The following MPZL2 variants were observed in gnomAD, a reference collection of about 807,000 sequenced individuals.
MPZL2 encodes myelin protein zero-like protein 2.
MPZL2 carries 32 observed loss-of-function variants against 24.5 expected under a neutral mutation model. The observed-to-expected ratio is 1.31, with a 90% CI of 0.99 to 1.76. MPZL2 has a LOEUF of 1.76. Ranked by LOEUF, MPZL2 falls within the 40% of genes most tolerant of loss-of-function variation. The probability of loss-of-function intolerance (pLI) is 0.00; values close to 1 mark genes in which losing one functional copy is unlikely to be tolerated. For synonymous variants in MPZL2, 92 were observed against 97.9 expected, an observed-to-expected ratio of 0.94 and a Z score of 0.36; for missense variants, 304 against 274.9, an observed-to-expected ratio of 1.11 and a Z score of -0.75.
At chr11:118,264,031 A>G in intron 1 of MPZL2, 65 bp downstream of exon 1, 1 of 1,507,542 alleles carries the variant, frequency 6.6e-7, no homozygotes, top group Non-Finnish European at 9.2e-7. Context: ...TTCTAAGACA[A>G]TTAGCTAACT....
rs1384223924 is a variant in MPZL2, at chr11:118,254,554, C to G, written c.*692G>C. The G allele has an allele frequency of 1.3e-5, 2 of 152,210 alleles. No homozygotes were observed. Among genetic ancestry groups the G allele is most frequent in the Non-Finnish European group, 2.9e-5 (2 of 68,042 alleles). 9.4% of individuals were successfully genotyped at this position (152,210 alleles called of 1,614,324 possible). A position where few individuals can be genotyped will look rare whatever the true frequency, so the allele number is the denominator to read the frequency against. On this transcript the variant is annotated 3_prime_UTR_variant, in exon 6 of 6. Transcript: ENST00000278937. ...CAAGTGATTCATCCTGCAATGGCCT[C>G]TGCCAATCTTTTCATATCTATGTAA...
In MPZL2 at chr11:118,264,095, C is replaced by A; in HGVS notation, c.58+1G>T. On this transcript the variant is annotated splice_donor_variant, in intron 1 of 5. Transcript: ENST00000278937. LOFTEE classifies it high-confidence loss of function. ...TCTGAGAGAAGCCCGCCGGCTCTTA[C>A]CTGTGAGCTGTATGCCAAGGAGAAG... 2 of 1,614,038 alleles carry A rather than the reference C, an allele frequency of 1.2e-6. No individual in the cohort carries two copies. The highest frequency in any genetic ancestry group is 1.7e-6 in the Non-Finnish European group (2 of 1,179,944).
At chr11:118,260,533 G>T (rs1427295809) in intron 3 of MPZL2, among the ~76,000 whole-genome samples, 1 of 152,198 alleles carries the variant, frequency 6.6e-6, no homozygotes, top group Non-Finnish European at 1.5e-5. Flanking sequence ...AGGTGATTCT[G>T]ATGCAGCTTT....
intron 3 of MPZL2, among the ~76,000 whole-genome samples, chr11:118,261,253 T>C (rs1949698472): frequency 6.6e-6 from 1 of 152,340 alleles, no homozygotes; most frequent in Middle Eastern, 3.4e-3. Flanking sequence ...GAGAAATGGT[T>C]TTAAACTGTA....
At chr11:118,258,745 C>T (rs1363291201) in intron 4 of MPZL2, among the ~76,000 whole-genome samples, 1 of 152,078 alleles carries the variant, frequency 6.6e-6, no homozygotes, top group Non-Finnish European at 1.5e-5. Flanking sequence ...TGAGTGAGTT[C>T]TCACAAAATC....
rs780942835 is a variant in MPZL2 at position 118,264,128 on chromosome 11, G to T, written c.26C>A (p.Ala9Glu). 1 of 1,614,084 alleles carries T rather than the reference G, an allele frequency of 6.2e-7. No homozygotes were observed. The highest frequency in any genetic ancestry group is 8.5e-7 in the Non-Finnish European group (1 of 1,180,008). The change falls in exon 1 of 6, where the codon GCG (alanine) becomes GAG (glutamate). Residue 9 changes from alanine (A) to glutamate (E), a missense_variant. By Grantham distance (107) the Ala-to-Glu change is moderately radical. Transcript: ENST00000278937. The part of the protein sequence containing the change: MYGKSSTR[A>E]VLLLLGIQLT... ...CTGTATGCCAAGGAGAAGAAGCACC[G>T]CACGAGTAGAGCTCTTGCCATACAT...
intron 4 of MPZL2, chr11:118,259,231 A>T (rs1170286389): frequency 6.6e-6 from 1 of 152,244 alleles, no homozygotes; most frequent in African/African-American, 2.4e-5. Flanking sequence ...TTATAGCAGC[A>T]TTAGTCACAA....
chr11:118,257,941 C>T (rs1358420526), intron 4 of MPZL2, among the ~76,000 whole-genome samples: 4 of 151,204 alleles, frequency 2.6e-5, no homozygotes, highest in Non-Finnish European at 5.9e-5. Context: ...ACCCAGGAGG[C>T]GGAGGTTGCA....
rs1949724041 is a variant in MPZL2, at chr11:118,264,279, C to G, written c.-126G>C. 2 of 858,156 alleles carry G rather than the reference C, an allele frequency of 2.3e-6. No individual in the cohort carries two copies. The highest frequency in any genetic ancestry group is 3.8e-6 in the Non-Finnish European group (2 of 520,224). 53.2% of individuals were successfully genotyped at this position (858,156 alleles called of 1,614,324 possible). A position where few individuals can be genotyped will look rare whatever the true frequency, so the allele number is the denominator to read the frequency against. On this transcript the variant is annotated 5_prime_UTR_variant, in exon 1 of 6. Coordinates refer to ENST00000278937, the MANE Select transcript of MPZL2 (RefSeq NM_005797.4). ...CAGAGAGAGGAGTTTGAGTTGAGTT[C>G]CTCACCTGTGCCTGTGACTCAGCCC...
chr11:118,255,625 T>A (rs1406006633), intron 5 of MPZL2, among the ~76,000 whole-genome samples: 1 of 152,146 alleles, frequency 6.6e-6, no homozygotes, highest in East Asian at 1.9e-4. Flanking sequence ...TTTTCTCCCC[T>A]CATCTCCCCC....
intron 3 of MPZL2, 105 bp from the exon 4 acceptor site, chr11:118,260,306 T>G: frequency 1.7e-6 from 2 of 1,174,888 alleles, no homozygotes; most frequent in Non-Finnish European, 2.4e-6. Context: ...GAATCTTCCT[T>G]TATCCTACCT....
chr11:118,264,071 CTG>C (rs1565501397), intron 1 of MPZL2, 23 bp downstream of exon 1: 1 of 1,612,558 alleles, frequency 6.2e-7, no homozygotes, highest in Admixed American at 1.7e-5. Flanking sequence ...GGAGGAAACT[CTG>C]AGAGAAGCCC....
chr11:118,256,727 C>T (rs1715451), intron 5 of MPZL2, among the ~76,000 whole-genome samples: 13,720 of 152,032 alleles, frequency 0.09, 2,059 homozygotes, highest in African/African-American at 0.31. Context: ...TAAAATTATA[C>T]GCTACTAAAA....
At chr11:118,256,369 A>C (rs1052289971) in intron 5 of MPZL2, among the ~76,000 whole-genome samples, 2 of 152,208 alleles carry the variant, frequency 1.3e-5, no homozygotes, top group Non-Finnish European at 2.9e-5. Context: ...TGAAAAATAA[A>C]TTGGCCCGGC....
chr11:118,261,506 C>T (rs1446016583), intron 3 of MPZL2, among the ~76,000 whole-genome samples: 3 of 152,178 alleles, frequency 2.0e-5, no homozygotes, highest in Non-Finnish European at 4.4e-5. Context: ...ACAAAATAAA[C>T]ACTCAATGTA....
intron 5 of MPZL2, among the ~76,000 whole-genome samples, chr11:118,255,662 TTTTA>T (rs2134727314): frequency 9.9e-6 from 1 of 100,554 alleles, no homozygotes; most frequent in African/African-American, 4.5e-5. Flanking sequence ...GCCTTTTTTG[TTTTA>T]TTTGCTTTTT....
At chr11:118,262,795 C>T in intron 2 of MPZL2, 136 bp downstream of exon 2, 6 of 1,373,408 alleles carry the variant, frequency 4.4e-6, no homozygotes, top group Non-Finnish European at 6.1e-6. Context: ...GCCTCTCAGT[C>T]TCTGTCCCAA....
chr11:118,261,651 T>A (rs1255787646), intron 3 of MPZL2, among the ~76,000 whole-genome samples: 10 of 152,222 alleles, frequency 6.6e-5, no homozygotes, highest in Non-Finnish European at 1.2e-4. Flanking sequence ...AGCTGGTAAA[T>A]GGTAGCAATG....
chr11:118,257,621 C>CA (rs144712258), intron 4 of MPZL2: 849 of 208,648 alleles, frequency 4.1e-3, no homozygotes, highest in Non-Finnish European at 5.6e-3. Context: ...ATTTGTTATT[C>CA]AAAAAAAAAA....
Sources: gnomAD v4.1 joint callset for allele counts (sites outside exome capture counted in the v4.1 genomes callset) on GRCh38, gnomAD v4.1.1 for gene constraint, MANE v1.5 for transcripts, NCBI Gene and HGNC (gene_info 2026-07-23, HGNC 2026-07-21) for gene names.